XKR6: variants seen among roughly 807,000 people sequenced by gnomAD.
XKR6 encodes XK-related protein 6.
Under a neutral mutation model 56.7 loss-of-function variants are expected in XKR6, and 22 were observed. That is an observed-to-expected ratio of 0.39 (90% confidence interval 0.28 to 0.55). The LOEUF is 0.55. XKR6 is among the 20% of genes least tolerant of loss of function. The pLI, the probability that XKR6 is intolerant of heterozygous loss-of-function variation, is 0.66. For missense variants in XKR6, 852 were observed against 889.0 expected (o/e 0.96, Z 0.53); for synonymous variants, 524 against 387.8 (o/e 1.35, Z -4.13).
chr8:11,020,740 G>C (rs1413648256), intron 1 of XKR6, among the ~76,000 whole-genome samples: 1 of 152,156 alleles, frequency 6.6e-6, no homozygotes, highest in Non-Finnish European at 1.5e-5. Flanking sequence ...CCTAATATGA[G>C]GGTCTAGAAT....
chr8:11,084,791 A>C (rs956302979), intron 1 of XKR6, among the ~76,000 whole-genome samples: 3 of 152,166 alleles, frequency 2.0e-5, no homozygotes, highest in Admixed American at 6.5e-5. Context: ...TCTATGTTGG[A>C]GGTGGGACTG....
chr8:11,099,336 T>A (rs549554150), intron 1 of XKR6, among the ~76,000 whole-genome samples: 1 of 152,370 alleles, frequency 6.6e-6, no homozygotes, highest in East Asian at 1.9e-4. Context: ...TAAATACCTG[T>A]TAAATGGCTG....
Position 10,909,436 on chromosome 8 carries a change from C to T in XKR6, c.962-10520G>A, listed in dbSNP as rs1800285242. Among the ~76,000 whole-genome samples, 4 of 152,172 alleles carry T rather than the reference C, an allele frequency of 2.6e-5. No individual in the cohort carries two copies. The South Asian group carries it at 8.3e-4, about 31-fold the overall frequency. The stretch of plus-strand genomic sequence containing the variant: ...TTTCCACCATAGCATTTTGCACCAT[C>T]TTGATCAACTTTTCTCCTGCTTTTG... On this transcript the variant is annotated intron_variant, in intron 2 of 2. Transcript: ENST00000416569.
intron 1 of XKR6, among the ~76,000 whole-genome samples, chr8:11,148,259 G>A (rs114635792): frequency 3.3e-5 from 5 of 152,218 alleles, no homozygotes; most frequent in African/African-American, 1.2e-4. Context: ...AGGCTATCAT[G>A]GTGGACCCTA....
At chr8:11,182,565 T>C (rs1441480911) in intron 1 of XKR6, among the ~76,000 whole-genome samples, 1 of 152,226 alleles carries the variant, frequency 6.6e-6, no homozygotes, top group Non-Finnish European at 1.5e-5. Context: ...TGTGTGGATA[T>C]ATTAGCAGTG....
chr8:10,965,806 C>T (rs1356318606), intron 1 of XKR6, among the ~76,000 whole-genome samples: 2 of 152,212 alleles, frequency 1.3e-5, no homozygotes, highest in Admixed American at 1.3e-4. Context: ...TGCTTCCGAC[C>T]GTTCACACAA....
chr8:11,072,394 G>A (rs1229067170), intron 1 of XKR6, among the ~76,000 whole-genome samples: 1 of 151,494 alleles, frequency 6.6e-6, no homozygotes, highest in African/African-American at 2.4e-5. Flanking sequence ...TTTTGGTAAG[G>A]TCTGCTGGAG....
intron 1 of XKR6, among the ~76,000 whole-genome samples, chr8:11,045,420 A>G (rs569482231): frequency 6.0e-4 from 92 of 152,304 alleles, no homozygotes; most frequent in African/African-American, 2.1e-3. Context: ...AAATATATCA[A>G]TCTGATTTTG....
At chr8:10,998,004 G>C (rs1221576497) in intron 1 of XKR6, among the ~76,000 whole-genome samples, 1 of 152,152 alleles carries the variant, frequency 6.6e-6, no homozygotes, top group African/African-American at 2.4e-5. Flanking sequence ...TTACAGAAGA[G>C]AAGGCTGAAG....
At chr8:10,997,256 C>T (rs1309588561) in intron 1 of XKR6, among the ~76,000 whole-genome samples, 2 of 152,206 alleles carry the variant, frequency 1.3e-5, no homozygotes, top group African/African-American at 2.4e-5. Flanking sequence ...ACACCTTATA[C>T]ATACCTGTTT....
At chr8:11,186,850 G>A (rs1298145096) in intron 1 of XKR6, among the ~76,000 whole-genome samples, 6 of 152,116 alleles carry the variant, frequency 3.9e-5, no homozygotes, top group African/African-American at 1.4e-4. Flanking sequence ...GTTGTTATTA[G>A]AGCTATTGAG....
At chr8:10,968,140 G>A (rs940283898) in intron 1 of XKR6, among the ~76,000 whole-genome samples, 3 of 152,160 alleles carry the variant, frequency 2.0e-5, no homozygotes, top group African/African-American at 7.2e-5. Flanking sequence ...TCAGGCAGGT[G>A]GGAGTCGCCT....
chr8:11,085,000 C>A (rs892317685), intron 1 of XKR6, among the ~76,000 whole-genome samples: 2 of 152,176 alleles, frequency 1.3e-5, no homozygotes, highest in Non-Finnish European at 2.9e-5. Context: ...CCACCTGCAT[C>A]CAGGTGCACC....
chr8:11,100,954 G>T (rs1262599721), intron 1 of XKR6, among the ~76,000 whole-genome samples: 2 of 152,190 alleles, frequency 1.3e-5, no homozygotes, highest in African/African-American at 4.8e-5. Context: ...AAGTGGTTAG[G>T]AGACAGTTTC....
At chr8:11,016,500 G>T (rs909849066) in intron 1 of XKR6, among the ~76,000 whole-genome samples, 8 of 152,208 alleles carry the variant, frequency 5.3e-5, no homozygotes, top group African/African-American at 1.9e-4. Context: ...GCTTCAAAGC[G>T]GGTAGCGCCT....
At chr8:11,043,586 C>A (rs956989128) in intron 1 of XKR6, among the ~76,000 whole-genome samples, 8 of 152,234 alleles carry the variant, frequency 5.3e-5, no homozygotes, top group Non-Finnish European at 1.0e-4. Context: ...TTCCCCTGGG[C>A]AGAGTCAGTC....
intron 1 of XKR6, among the ~76,000 whole-genome samples, chr8:11,077,087 G>A (rs930624408): frequency 1.3e-5 from 2 of 152,078 alleles, no homozygotes; most frequent in Admixed American, 6.5e-5. Flanking sequence ...GAGGCAGAAG[G>A]ATCACTTGAG....
chr8:11,146,595 C>G (rs1800997429), intron 1 of XKR6, among the ~76,000 whole-genome samples: 1 of 150,000 alleles, frequency 6.7e-6, no homozygotes, highest in Non-Finnish European at 1.5e-5. Context: ...TGCCACTGCA[C>G]TCCTGCCTGT....
intron 1 of XKR6, among the ~76,000 whole-genome samples, chr8:11,191,494 G>C (rs1222298721): frequency 6.6e-6 from 1 of 152,136 alleles, no homozygotes; most frequent in Non-Finnish European, 1.5e-5. Flanking sequence ...AAACACGTAT[G>C]GGGCGCCTAC....
Sources: gnomAD v4.1 joint callset for allele counts (sites outside exome capture counted in the v4.1 genomes callset) on GRCh38, gnomAD v4.1.1 for gene constraint, MANE v1.5 for transcripts, NCBI Gene and HGNC (gene_info 2026-07-23, HGNC 2026-07-21) for gene names.